MYO5B: variants seen among roughly 807,000 people sequenced by gnomAD.
MYO5B encodes unconventional myosin-Vb.
MYO5B carries 143 observed loss-of-function variants against 229.3 expected under a neutral mutation model. The observed-to-expected ratio is 0.62, with a 90% CI of 0.54 to 0.72. The LOEUF (loss-of-function observed/expected upper bound fraction) is 0.72, where lower values mean the gene tolerates loss of function less well. Among genes scored for constraint, MYO5B ranks in the 30% least tolerant of loss-of-function variants. The probability of loss-of-function intolerance (pLI) is 0.00; values close to 1 mark genes in which losing one functional copy is unlikely to be tolerated. For synonymous variants in MYO5B, 918 were observed against 885.2 expected (o/e 1.04, Z -0.66); for missense variants, 2,321 against 2,331.0 (o/e 1.00, Z 0.09).
intron 4 of MYO5B, among the ~76,000 whole-genome samples, chr18:50,004,253 C>T (rs8093933): frequency 0.027 from 4,145 of 152,210 alleles, 65 homozygotes; most frequent in African/African-American, 0.036. Flanking sequence ...ATCAAGGCAA[C>T]GGAACAGTAA....
chr18:50,060,264 C>T (rs914416488), intron 1 of MYO5B, among the ~76,000 whole-genome samples: 1 of 152,200 alleles, frequency 6.6e-6, no homozygotes, highest in African/African-American at 2.4e-5. Context: ...CATCGGTTCA[C>T]ATTACTAGTC....
At chr18:50,031,973 G>A (rs2026394520) in intron 4 of MYO5B, among the ~76,000 whole-genome samples, 1 of 152,172 alleles carries the variant, frequency 6.6e-6, no homozygotes, top group Admixed American at 6.5e-5. Context: ...GTTTAACTTG[G>A]TTAACCCACG....
intron 12 of MYO5B, among the ~76,000 whole-genome samples, chr18:49,958,010 G>C (rs993864797): frequency 6.6e-6 from 1 of 152,064 alleles, no homozygotes; most frequent in Non-Finnish European, 1.5e-5. Flanking sequence ...GCCACCCCCA[G>C]TGCTGCTTCC....
intron 4 of MYO5B, among the ~76,000 whole-genome samples, chr18:50,021,870 A>G (rs542339153): frequency 3.8e-4 from 58 of 152,240 alleles, no homozygotes; most frequent in Non-Finnish European, 7.3e-4. Flanking sequence ...TTTTGGGGTT[A>G]GATCTGGGAA....
chr18:49,880,234 C>T, intron 23 of MYO5B, 137 bp downstream of exon 23: 2 of 816,316 alleles, frequency 2.5e-6, no homozygotes, highest in East Asian at 2.5e-5. Flanking sequence ...GGTCATTATT[C>T]TTCATCTTCT....
chr18:50,128,649 A>C (rs1039078750), intron 1 of MYO5B, among the ~76,000 whole-genome samples: 2 of 152,090 alleles, frequency 1.3e-5, no homozygotes, highest in Non-Finnish European at 2.9e-5. Flanking sequence ...GCAGTTCTGC[A>C]CCCTGCCCAG....
chr18:49,988,941 C>T (rs1473046196), intron 7 of MYO5B, among the ~76,000 whole-genome samples: 1 of 152,186 alleles, frequency 6.6e-6, no homozygotes, highest in African/African-American at 2.4e-5. Flanking sequence ...AGCTGGAGAA[C>T]AGGACATAAC....
chr18:50,159,620 C>G (rs1315157465), intron 1 of MYO5B, among the ~76,000 whole-genome samples: 1 of 152,180 alleles, frequency 6.6e-6, no homozygotes, highest in East Asian at 1.9e-4. Context: ...CAAATCCTCC[C>G]CCACAGACTT....
chr18:50,126,732 C>T (rs2032169893), intron 1 of MYO5B, among the ~76,000 whole-genome samples: 1 of 152,190 alleles, frequency 6.6e-6, no homozygotes, highest in African/African-American at 2.4e-5. Context: ...CTCTCCAAGC[C>T]TCCAATGCAT....
At chr18:50,063,262 C>T (rs1386802449) in intron 1 of MYO5B, among the ~76,000 whole-genome samples, 1 of 152,200 alleles carries the variant, frequency 6.6e-6, no homozygotes. Flanking sequence ...CCATTAAAGT[C>T]TTCCTGAACC....
chr18:49,936,125 T>C, intron 16 of MYO5B, 127 bp downstream of exon 16: 2 of 777,264 alleles, frequency 2.6e-6, no homozygotes, highest in Non-Finnish European at 4.5e-6. Context: ...GTAAGATGTC[T>C]GGGGAGTGTA....
chr18:50,072,125 G>C (rs2030970976), intron 1 of MYO5B, among the ~76,000 whole-genome samples: 1 of 152,150 alleles, frequency 6.6e-6, no homozygotes, highest in South Asian at 2.1e-4. Context: ...AGAAAACACT[G>C]ATCTCAGTCC....
At chr18:49,831,648 G>A (rs554271382) in intron 39 of MYO5B, among the ~76,000 whole-genome samples, 1 of 152,284 alleles carries the variant, frequency 6.6e-6, no homozygotes, top group South Asian at 2.1e-4. Flanking sequence ...GAACTCTCAT[G>A]CATTGCTGGT....
intron 33 of MYO5B, among the ~76,000 whole-genome samples, chr18:49,843,987 C>T (rs888074601): frequency 6.6e-6 from 1 of 152,236 alleles, no homozygotes. Context: ...GCAGGCCCCC[C>T]TTCCCCACCC....
chr18:49,952,213 C>G (rs1313373513), intron 14 of MYO5B, among the ~76,000 whole-genome samples: 1 of 152,154 alleles, frequency 6.6e-6, no homozygotes, highest in Non-Finnish European at 1.5e-5. Context: ...TCATCTCATC[C>G]TATTGCATTC....
rs555862503 is a variant in MYO5B at position 49,980,607 on chromosome 18, G to A, written c.947-54C>T. Reference sequence around the variant, plus strand: ...TCAGTATCCATGGTCGGACAGAAAGGACATTTTACCCCTTTTAAGGACATT... The same window carrying A: ...TCAGTATCCATGGTCGGACAGAAAGAACATTTTACCCCTTTTAAGGACATT... On this transcript the variant is annotated intron_variant, in intron 8 of 39. Coordinates refer to ENST00000285039, the MANE Select transcript of MYO5B (RefSeq NM_001080467.3). 5.5e-4 allele frequency: 720 copies of A among 1,313,838 alleles called. 2 individuals are homozygous for A. Among genetic ancestry groups the A allele is most frequent in the Non-Finnish European group, 1.4e-4 (125 of 906,830 alleles). 81.4% of individuals were successfully genotyped at this position (1,313,838 alleles called of 1,614,324 possible). A position where few individuals can be genotyped will look rare whatever the true frequency, so the allele number is the denominator to read the frequency against.
chr18:49,895,813 C>A (rs1230389459), intron 21 of MYO5B, among the ~76,000 whole-genome samples: 1 of 152,210 alleles, frequency 6.6e-6, no homozygotes, highest in Non-Finnish European at 1.5e-5. Flanking sequence ...CCCACTCAGG[C>A]AACACACAGG....
chr18:49,841,960 TG>T (rs567121834), intron 34 of MYO5B, among the ~76,000 whole-genome samples: 87 of 152,244 alleles, frequency 5.7e-4, no homozygotes, highest in African/African-American at 1.9e-3. Flanking sequence ...CCTAACTAGG[TG>T]AAAAAGCCTG....
intron 1 of MYO5B, among the ~76,000 whole-genome samples, chr18:50,067,179 G>C (rs1377045718): frequency 1.3e-5 from 2 of 152,176 alleles, no homozygotes; most frequent in East Asian, 3.9e-4. Context: ...ATGAGAAAAA[G>C]TAAAATGAGA....
Sources: gnomAD v4.1 joint callset for allele counts (sites outside exome capture counted in the v4.1 genomes callset) on GRCh38, gnomAD v4.1.1 for gene constraint, MANE v1.5 for transcripts, NCBI Gene and HGNC (gene_info 2026-07-23, HGNC 2026-07-21) for gene names.